Variants in FCN2 observed in about 807,000 individuals in gnomAD.
The protein encoded by FCN2 is ficolin 2, also known as ficolin-2.
Under a neutral mutation model 32.5 loss-of-function variants are expected in FCN2, and 31 were observed. The observed-to-expected ratio is 0.96, with a 90% CI of 0.72 to 1.29. The LOEUF (loss-of-function observed/expected upper bound fraction) is 1.29. Among genes scored for constraint, FCN2 ranks in the 50% most tolerant of loss-of-function variants. FCN2 has a pLI of 0.00. For missense variants in FCN2, 412 were observed against 406.5 expected (o/e 1.01, Z -0.12); for synonymous variants, 181 against 164.5 (o/e 1.10, Z -0.77).
the FCN2 span, among the ~76,000 whole-genome samples, chr9:134,867,846 C>T: frequency 6.6e-6 from 1 of 152,104 alleles, no homozygotes; most frequent in Admixed American, 6.5e-5. Flanking sequence ...GCCCCAATTC[C>T]CCAAGTTTCT....
chr9:134,877,579 T>G (rs1830614593), upstream of FCN2, among the ~76,000 whole-genome samples: 1 of 152,218 alleles, frequency 6.6e-6, no homozygotes, highest in Non-Finnish European at 1.5e-5. Context: ...TCTTCCATGA[T>G]CACAGTTTAC....
intron 7 of FCN2, 76 bp from the exon 8 acceptor site, chr9:134,887,092 G>C: frequency 6.4e-7 from 1 of 1,560,164 alleles, no homozygotes; most frequent in Non-Finnish European, 8.8e-7. Context: ...ACCAGGCCAG[G>C]CCTCAGGTAT....
upstream of FCN2, among the ~76,000 whole-genome samples, chr9:134,879,644 T>G (rs1830636092): frequency 6.6e-6 from 1 of 152,112 alleles, no homozygotes; most frequent in Non-Finnish European, 1.5e-5. Context: ...TCTTGAGAGG[T>G]CTGCCCTAAA....
At chr9:134,873,605 A>G in the FCN2 span, among the ~76,000 whole-genome samples, 1 of 152,214 alleles carries the variant, frequency 6.6e-6, no homozygotes, top group East Asian at 1.9e-4. Context: ...TGTACGGTTG[A>G]TGGCCTTGGG....
Position 134,883,354 on chromosome 9 carries a change from C to T in FCN2, c.267C>T (p.Asn89=), listed in dbSNP as rs775318175. 48 of 1,613,006 alleles carry T rather than the reference C, an allele frequency of 3.0e-5. No individual in the cohort carries two copies. The Admixed American group carries it at 4.3e-4, about 15-fold the overall frequency. ...PPGKAGPPGP[N]GAPGEPQPCL... ...GGAAGGCAGGACCACCTGGGCCCAA[C>T]GGTAAGGAGGGGACAAGAGTGAGAA... Residue 89 remains asparagine, a splice_region_variant and synonymous_variant, in exon 3 of 8, where the codon AAC becomes AAT. Transcript: ENST00000291744.
intron 2 of FCN2, 47 bp downstream of exon 2, chr9:134,882,686 A>C (rs1830682285): frequency 1.5e-6 from 2 of 1,359,642 alleles, no homozygotes; most frequent in Non-Finnish European, 1.1e-6. Flanking sequence ...TCTTTTTGAA[A>C]CCAGATGCTG....
rs544533192 is a variant in FCN2 at position 134,885,650 on chromosome 9, G to T, written c.430-118G>T. 2.1e-5 allele frequency: 30 copies of T among 1,410,472 alleles called. No individual in the cohort carries two copies. In the African/African-American group the frequency reaches 3.9e-4, roughly 19 times the overall value. The allele number at this position is 1,410,472 out of a possible 1,614,324, so 87.4% of individuals were successfully genotyped here. On this transcript the variant is annotated intron_variant, in intron 5 of 7. Transcript: ENST00000291744. ...GTGAGGAGAACAGGTGGGCGTGCTG[G>T]TGACCCCGCCTGTGATGCTCTGCCA...
chr9:134,869,863 G>A, the FCN2 span, among the ~76,000 whole-genome samples: 1 of 152,194 alleles, frequency 6.6e-6, no homozygotes, highest in Non-Finnish European at 1.5e-5. Context: ...CCCCTCAGGT[G>A]GGCGCTGCAC....
At chr9:134,873,935 G>T in the FCN2 span, among the ~76,000 whole-genome samples, 1 of 128,664 alleles carries the variant, frequency 7.8e-6, no homozygotes, top group Non-Finnish European at 1.6e-5. Context: ...TTTTGATATA[G>T]GATCTTGCTC....
At chr9:134,885,125 C>T in intron 4 of FCN2, 114 bp from the exon 5 acceptor site, 2 of 1,439,190 alleles carry the variant, frequency 1.4e-6, no homozygotes, top group Non-Finnish European at 1.9e-6. Context: ...CAGAGTCCCG[C>T]TCTGTTCATA....
chr9:134,878,611 G>A (rs1830623691), upstream of FCN2, among the ~76,000 whole-genome samples: 1 of 152,232 alleles, frequency 6.6e-6, no homozygotes, highest in Non-Finnish European at 1.5e-5. Context: ...GGGAGGCCAA[G>A]GTGGGTGGAT....
the FCN2 span, among the ~76,000 whole-genome samples, chr9:134,868,978 G>A: frequency 5.8e-4 from 88 of 152,290 alleles, no homozygotes; most frequent in African/African-American, 2.0e-3. This position sits in a 1 kb window ranked among gnomAD's most constrained non-coding sequence, Gnocchi z 4.3. Flanking sequence ...TATCATCCCC[G>A]GAAGCTTCCA....
the FCN2 span, among the ~76,000 whole-genome samples, chr9:134,869,603 C>A: frequency 6.6e-6 from 1 of 152,242 alleles, no homozygotes; most frequent in East Asian, 1.9e-4. Flanking sequence ...TTCTGTTAGT[C>A]TCTCCGAGGC....
chr9:134,886,315 G>T (rs1564208589), intron 6 of FCN2, 115 bp from the exon 7 acceptor site: 2 of 1,258,102 alleles, frequency 1.6e-6, no homozygotes, highest in Non-Finnish European at 2.3e-6. Context: ...GGTGCTCTCC[G>T]CCCTCTGCCT....
the FCN2 span, among the ~76,000 whole-genome samples, chr9:134,873,909 GTTTTTGT>G: frequency 5.5e-5 from 1 of 18,336 alleles, no homozygotes; most frequent in Non-Finnish European, 1.0e-4. Flanking sequence ...GTTTTTTTTT[GTTTTTGT>G]TTTTTGTTTT....
chr9:134,873,009 G>A, the FCN2 span, among the ~76,000 whole-genome samples: 9 of 151,960 alleles, frequency 5.9e-5, no homozygotes, highest in Admixed American at 2.0e-4. Flanking sequence ...TTTTGTTCCC[G>A]TTTTCCTTAT....
At chr9:134,879,713 T>C (rs897286861), upstream of FCN2, among the ~76,000 whole-genome samples, 1 of 152,124 alleles carries the variant, frequency 6.6e-6, no homozygotes, top group Non-Finnish European at 1.5e-5. Context: ...CACATCTCCA[T>C]GGGCATTGAA....
the FCN2 span, among the ~76,000 whole-genome samples, chr9:134,872,611 G>A: frequency 0.7 from 106,842 of 152,022 alleles, 37,973 homozygotes; most frequent in South Asian, 0.81. Flanking sequence ...ACAAAGTCAC[G>A]TCTCGCCGGG....
At chr9:134,864,962 G>A in the FCN2 span, among the ~76,000 whole-genome samples, 5 of 152,336 alleles carry the variant, frequency 3.3e-5, no homozygotes, top group Non-Finnish European at 5.9e-5. Context: ...ATCCTCCTCC[G>A]CAGAAGGGCC....
Sources: gnomAD v4.1 joint callset for allele counts (sites outside exome capture counted in the v4.1 genomes callset) on GRCh38, gnomAD v4.1.1 for gene constraint, Gnocchi (gnomAD v3.1) non-coding constraint, MANE v1.5 for transcripts, NCBI Gene and HGNC (gene_info 2026-07-23, HGNC 2026-07-21) for gene names.